Variants in PSME4 observed in about 807,000 individuals in gnomAD.
PSME4 encodes the protein proteasome activator subunit 4.
A neutral mutation model predicts 253.9 loss-of-function variants in PSME4; 89 were observed. That is an observed-to-expected ratio of 0.35 (90% CI 0.30 to 0.42). The LOEUF is 0.42. Ranked by LOEUF, PSME4 falls within the 10% of genes least tolerant of loss-of-function variation. The probability of loss-of-function intolerance (pLI) is 1.00; values close to 1 mark genes in which losing one functional copy is unlikely to be tolerated. For missense variants in PSME4, 2,014 were observed against 2,195.2 expected (o/e 0.92, Z 1.65); for synonymous variants, 851 against 759.2 (o/e 1.12, Z -1.99).
intron 10 of PSME4, among the ~76,000 whole-genome samples, chr2:53,930,450 G>A (rs1043562529): frequency 5.9e-5 from 9 of 152,170 alleles, no homozygotes; most frequent in African/African-American, 1.4e-4. Flanking sequence ...ACTCTGTGGA[G>A]GCCAAGAAGC....
At position 53,970,542 on chromosome 2, in the gene PSME4, C is replaced by G. The variant is rs1352282504; in HGVS notation, c.242+1G>C. 1 of 1,548,258 alleles carries G rather than the reference C, an allele frequency of 6.5e-7. No homozygotes were observed. Among genetic ancestry groups the G allele is most frequent in the Admixed American group, 2.0e-5 (1 of 50,904 alleles). ...CGGCCCGCAGGCCCGGGCACACTTACGTGGAGAGTTTCCTGGTCCAGAAGA... is the reference window on the plus strand; with the variant it reads ...CGGCCCGCAGGCCCGGGCACACTTAGGTGGAGAGTTTCCTGGTCCAGAAGA... On this transcript the variant is annotated splice_donor_variant, in intron 1 of 46. Transcript: ENST00000404125. LOFTEE classifies it high-confidence loss of function.
At chr2:53,941,347 C>G (rs1194095583) in intron 3 of PSME4, among the ~76,000 whole-genome samples, 1 of 150,562 alleles carries the variant, frequency 6.6e-6, no homozygotes, top group East Asian at 1.9e-4. Context: ...AGCACTGTCT[C>G]TGATCATGAG....
chr2:53,903,402 C>G (rs1476737640), intron 27 of PSME4, among the ~76,000 whole-genome samples: 5 of 152,110 alleles, frequency 3.3e-5, no homozygotes, highest in Non-Finnish European at 5.9e-5. Flanking sequence ...TCCGTTCTCA[C>G]TCTTAATTCA....
At chr2:53,966,454 G>GA (rs750166484) in intron 1 of PSME4, among the ~76,000 whole-genome samples, 3 of 151,976 alleles carry the variant, frequency 2.0e-5, no homozygotes, top group Non-Finnish European at 4.4e-5. Context: ...TTGAGATCAA[G>GA]AGTTTGAGAC....
At chr2:53,923,294 T>A (rs144786164) in intron 15 of PSME4, 27 bp downstream of exon 15, 1 of 1,582,226 alleles carries the variant, frequency 6.3e-7, no homozygotes, top group East Asian at 2.2e-5. Flanking sequence ...GAGTCATTAA[T>A]ACATCAGTTC....
intron 3 of PSME4, among the ~76,000 whole-genome samples, chr2:53,943,419 G>T (rs979854577): frequency 6.6e-6 from 1 of 152,192 alleles, no homozygotes; most frequent in East Asian, 1.9e-4. Context: ...CCGTAAGTTA[G>T]TTAGACATTA....
intron 27 of PSME4, among the ~76,000 whole-genome samples, chr2:53,903,495 G>A (rs146934746): frequency 6.6e-6 from 1 of 152,074 alleles, no homozygotes; most frequent in African/African-American, 2.4e-5. Flanking sequence ...ATAGGATGTA[G>A]TATTTGCCTT....
chr2:53,934,661 A>C lies in PSME4; in HGVS notation c.901T>G (p.Phe301Val), dbSNP rs1669021439. The C allele has an allele frequency of 1.2e-6, 2 of 1,611,216 alleles. No homozygotes were observed. The highest frequency in any genetic ancestry group is 1.7e-6 in the Non-Finnish European group (2 of 1,177,638). Residue 301 changes from phenylalanine (F) to valine (V), a missense_variant, in exon 8 of 47, where the codon TTT (phenylalanine) becomes GTT (valine). Phe to Val is a conservative substitution (Grantham distance 50). This residue lies in a region of PSME4 where 615 missense variants were observed against 594.4 expected (regional missense o/e 1.03). Coordinates refer to ENST00000404125, the MANE Select transcript of PSME4 (RefSeq NM_014614.3). ...CCTATATCATAAGCATTTGTTAAAAATCTTGGGACTAACACTTGACTGCTT... is the reference window on the plus strand; with the variant it reads ...CCTATATCATAAGCATTTGTTAAAACTCTTGGGACTAACACTTGACTGCTT... The part of the protein sequence containing the change: ...VGSSQVLVPR[F>V]LTNAYDIGHA...
Position 53,919,180 on chromosome 2 carries a change from A to G in PSME4, c.2487T>C (p.Pro829=). The change falls in exon 20 of 47, where the codon CCT becomes CCC. Residue 829 remains proline (P), a synonymous_variant. Coordinates refer to ENST00000404125, the MANE Select transcript of PSME4 (RefSeq NM_014614.3). ...TAGTAACTGGCTCTCCTTTCAACGG[A>G]GGTAGGAGGTTTCCAGAGCCAATTA... ...NCLIGSGNLL[P]PLKGEPVTNL... The G allele has an allele frequency of 1.2e-6, 2 of 1,612,172 alleles. No individual in the cohort carries two copies. Among genetic ancestry groups the G allele is most frequent in the Non-Finnish European group, 1.7e-6 (2 of 1,179,196 alleles).
chr2:53,865,830 A>G (rs1678539167), intron 46 of PSME4: 1 of 415,944 alleles, frequency 2.4e-6, no homozygotes, highest in East Asian at 4.2e-5. Context: ...AACTATTCCC[A>G]GGCTGACACC....
intron 1 of PSME4, among the ~76,000 whole-genome samples, chr2:53,962,155 T>C (rs1201339292): frequency 6.6e-6 from 1 of 152,348 alleles, no homozygotes; most frequent in East Asian, 1.9e-4. Flanking sequence ...TTCTTCATTA[T>C]GGCTAGCAGA....
intron 21 of PSME4, among the ~76,000 whole-genome samples, chr2:53,909,815 A>C (rs1471339318): frequency 6.6e-6 from 1 of 152,058 alleles, no homozygotes; most frequent in African/African-American, 2.4e-5. Flanking sequence ...TATAAAACTT[A>C]GCTGGGCTTG....
chr2:53,970,459 C>T, intron 1 of PSME4, 84 bp downstream of exon 1: 1 of 1,536,676 alleles, frequency 6.5e-7, no homozygotes, highest in Non-Finnish European at 8.7e-7. Context: ...AAGGGTCCAG[C>T]CCTCTGGACA....
intron 27 of PSME4, 59 bp from the exon 28 acceptor site, chr2:53,901,618 T>G: frequency 7.2e-7 from 1 of 1,391,454 alleles, no homozygotes; most frequent in Non-Finnish European, 9.9e-7. Context: ...CATGTAGTTG[T>G]AGCCAATGCA....
chr2:53,922,475 T>C (rs1028336203), intron 17 of PSME4, 42 bp downstream of exon 17: 1 of 1,589,648 alleles, frequency 6.3e-7, no homozygotes. Flanking sequence ...AGCAAGTCAG[T>C]GTTTTCACAG....
intron 37 of PSME4, 31 bp from the exon 38 acceptor site, chr2:53,888,843 C>A (rs369360199): frequency 2.5e-4 from 372 of 1,475,642 alleles, no homozygotes; most frequent in Non-Finnish European, 3.3e-4. Flanking sequence ...AACAGTTCAA[C>A]AGAGAACCTA....
chr2:53,900,176 T>C (rs1406499577), intron 28 of PSME4, among the ~76,000 whole-genome samples, 159 bp from the exon 29 acceptor site: 1 of 152,154 alleles, frequency 6.6e-6, no homozygotes, highest in Non-Finnish European at 1.5e-5. Context: ...GGCAAATTTA[T>C]TGACAGAGAA....
At chr2:53,966,290 T>A (rs1465862963) in intron 1 of PSME4, among the ~76,000 whole-genome samples, 1 of 151,840 alleles carries the variant, frequency 6.6e-6, no homozygotes, top group Admixed American at 6.6e-5. Flanking sequence ...TCTCAAAAAA[T>A]ATAAAAATAA....
chr2:53,885,758 C>A lies in PSME4; in HGVS notation c.4747G>T (p.Ala1583Ser). ...LLKTILKWLMASAGRSFSTAV... is the reference protein window; with the variant it reads ...LLKTILKWLMSSAGRSFSTAV... ...GTAGAAAAGGATCTTCCTGCACTTG[C>A]CATCAGCCATTTCAATACTATTTTG... Residue 1583 changes from alanine to serine, a missense_variant, in exon 41 of 47, where the codon GCA (alanine) becomes TCA (serine). Ala to Ser is a moderately conservative substitution (Grantham distance 99). This residue lies in a region of PSME4 where 403 missense variants were observed against 556.1 expected (regional missense o/e 0.72). Coordinates refer to ENST00000404125, the MANE Select transcript of PSME4 (RefSeq NM_014614.3). 1 of 1,611,566 alleles carries A rather than the reference C, an allele frequency of 6.2e-7. No individual in the cohort carries two copies. The highest frequency in any genetic ancestry group is 2.2e-5 in the East Asian group (1 of 44,810).
Sources: gnomAD v4.1 joint callset for allele counts (sites outside exome capture counted in the v4.1 genomes callset) on GRCh38, gnomAD v4.1.1 for gene constraint, gnomAD v4.1.1 regional missense constraint, MANE v1.5 for transcripts, NCBI Gene and HGNC (gene_info 2026-07-23, HGNC 2026-07-21) for gene names.